Variants in THOC7 observed in about 807,000 individuals in gnomAD.
The protein encoded by THOC7 is NIF3L1-binding protein 1.
THOC7 carries 22 observed loss-of-function variants against 33.1 expected under a neutral mutation model. The observed-to-expected ratio is 0.66, with a 90% CI of 0.47 to 0.95. THOC7 has a LOEUF of 0.95. Among genes scored for constraint, THOC7 ranks in the 40% least tolerant of loss-of-function variants. The pLI is 0.00. For missense variants in THOC7, 184 were observed against 245.3 expected (o/e 0.75, Z 1.67); for synonymous variants, 77 against 76.8 (o/e 1.00, Z -0.01).
chr3:63,861,135 T>C (rs371114442), intron 1 of THOC7: 1 of 152,194 alleles, frequency 6.6e-6, no homozygotes, highest in East Asian at 1.9e-4. Context: ...CTCAAAACAA[T>C]CCGCTGATGT....
intron 7 of THOC7, 93 bp from the exon 8 acceptor site, chr3:63,834,292 C>T: frequency 3.2e-6 from 4 of 1,243,340 alleles, no homozygotes; most frequent in Non-Finnish European, 4.6e-6. Context: ...CTTTATTAGC[C>T]AATACAATTA....
intron 1 of THOC7, chr3:63,848,678 T>C (rs1701956374): frequency 6.6e-6 from 1 of 152,230 alleles, no homozygotes. Context: ...TTTGATGGGT[T>C]TGTAAAACTG....
chr3:63,859,905 C>T (rs1177163124), intron 1 of THOC7, among the ~76,000 whole-genome samples: 3 of 152,162 alleles, frequency 2.0e-5, no homozygotes, highest in African/African-American at 7.2e-5. Flanking sequence ...ATCAAAAAAC[C>T]CTGATTTGAA....
At chr3:63,838,152 G>A in intron 3 of THOC7, 90 bp from the exon 4 acceptor site, 2 of 1,241,588 alleles carry the variant, frequency 1.6e-6, no homozygotes, top group Middle Eastern at 2.4e-4. Context: ...AACCTCTATT[G>A]GTAACAAAAT....
At position 63,836,344 on chromosome 3, in the gene THOC7, C is replaced by CT. The variant is rs769419537; in HGVS notation, c.366_367insA (p.Ala123SerfsTer12). ...TCTGGATGGTGCTGAATCACTTTTGCCAAAGCATCATATTCTGTAAGACAT... is the reference window on the plus strand; with the variant it reads ...TCTGGATGGTGCTGAATCACTTTTGCTCAAAGCATCATATTCTGTAAGACAT... On this transcript the variant is annotated frameshift_variant, in exon 5 of 8. Coordinates refer to ENST00000295899, the MANE Select transcript of THOC7 (RefSeq NM_025075.4). LOFTEE classifies it high-confidence loss of function. 1 of 1,612,318 alleles carries CT rather than the reference C, an allele frequency of 6.2e-7. No individual in the cohort carries two copies. Among genetic ancestry groups the CT allele is most frequent in the South Asian group, 1.1e-5 (1 of 90,972 alleles).
In THOC7 at chr3:63,833,977, T is replaced by C; in HGVS notation, c.*155A>G. 1.5e-6 allele frequency: 1 copy of C among 664,242 alleles called. No homozygotes were observed. Among genetic ancestry groups the C allele is most frequent in the Non-Finnish European group, 2.4e-6 (1 of 411,388 alleles). The allele number at this position is 664,242 out of a possible 1,614,324, so 41.1% of individuals were successfully genotyped here. A position where few individuals can be genotyped will look rare whatever the true frequency, so the allele number is the denominator to read the frequency against. On this transcript the variant is annotated 3_prime_UTR_variant, in exon 8 of 8. Transcript: ENST00000295899. The stretch of plus-strand genomic sequence containing the variant: ...AAATCTATACTGAAGTCATTTTCCT[T>C]TGTGAGAGGAAATATGAATGAAATA...
chr3:63,849,754 T>C (rs1260093849), intron 1 of THOC7, among the ~76,000 whole-genome samples: 1 of 152,220 alleles, frequency 6.6e-6, no homozygotes. Context: ...TGGCTCATTG[T>C]TTTTGCTTTT....
At chr3:63,844,896 T>G in intron 1 of THOC7, 2 of 515,548 alleles carry the variant, frequency 3.9e-6, no homozygotes, top group South Asian at 3.3e-5. Flanking sequence ...GACGGAAAAT[T>G]GTACTGGCAG....
rs555820720 is a variant in THOC7 at position 63,835,085 on chromosome 3, C to T, written c.547+69G>A. 6,235 of 1,473,368 alleles carry T rather than the reference C, an allele frequency of 4.2e-3. 18 individuals carry two copies. Among genetic ancestry groups the T allele is most frequent in the Non-Finnish European group, 5.3e-3 (5,612 of 1,068,680 alleles). The allele number at this position is 1,473,368 out of a possible 1,614,324, so 91.3% of individuals were successfully genotyped here. ...TACTGTCTCTCCAAGATGTATATTT[C>T]AAAAGGTACATCCCTGGGTCATTTA... On this transcript the variant is annotated intron_variant, in intron 7 of 7. Coordinates refer to ENST00000295899, the MANE Select transcript of THOC7 (RefSeq NM_025075.4).
intron 1 of THOC7, among the ~76,000 whole-genome samples, chr3:63,860,263 G>T (rs112095470): frequency 0.017 from 2,608 of 150,406 alleles, 82 homozygotes; most frequent in African/African-American, 0.057. Context: ...TAGGATGGTC[G>T]CAAACTCCTG....
chr3:63,835,451 G>A (rs2107116185), intron 5 of THOC7, 61 bp from the exon 6 acceptor site: 1 of 1,481,346 alleles, frequency 6.8e-7, no homozygotes, highest in Non-Finnish European at 9.3e-7. Flanking sequence ...TACAATTAAT[G>A]CCTAACTTTT....
At chr3:63,857,117 A>T (rs1702129537) in intron 1 of THOC7, among the ~76,000 whole-genome samples, 1 of 152,252 alleles carries the variant, frequency 6.6e-6, no homozygotes, top group Non-Finnish European at 1.5e-5. Flanking sequence ...ACTCAAACTC[A>T]GGAGTCAGGC....
chr3:63,856,092 C>T (rs1702110841), intron 1 of THOC7, among the ~76,000 whole-genome samples: 1 of 151,950 alleles, frequency 6.6e-6, no homozygotes, highest in African/African-American at 2.4e-5. Flanking sequence ...AAACTAAATG[C>T]CAATAGAGGA....
intron 1 of THOC7, among the ~76,000 whole-genome samples, chr3:63,841,007 T>C (rs1430127758): frequency 4.6e-5 from 7 of 152,238 alleles, no homozygotes; most frequent in Admixed American, 1.3e-4. Context: ...CTGTTTATAG[T>C]AGAAAGATTG....
intron 1 of THOC7, among the ~76,000 whole-genome samples, chr3:63,852,662 G>C (rs937386922): frequency 6.6e-6 from 1 of 152,152 alleles, no homozygotes; most frequent in African/African-American, 2.4e-5. Context: ...AGTCACACCA[G>C]TAAATACTAT....
chr3:63,844,128 T>TA (rs1423404007), intron 1 of THOC7, among the ~76,000 whole-genome samples: 2 of 152,136 alleles, frequency 1.3e-5, no homozygotes, highest in African/African-American at 2.4e-5. Context: ...TGATCACACT[T>TA]ACATATGGAA....
intron 1 of THOC7, among the ~76,000 whole-genome samples, chr3:63,849,397 A>C (rs1020978277): frequency 2.6e-5 from 4 of 152,170 alleles, no homozygotes; most frequent in Admixed American, 2.0e-4. Context: ...CAAAAAAACA[A>C]GAATGCCTAG....
intron 7 of THOC7, 31 bp from the exon 8 acceptor site, chr3:63,834,230 G>C (rs1411897944): frequency 6.2e-7 from 1 of 1,608,028 alleles, no homozygotes; most frequent in East Asian, 2.2e-5. Flanking sequence ...TAAAACCTTA[G>C]TCAAGTTTGC....
intron 1 of THOC7, among the ~76,000 whole-genome samples, chr3:63,859,798 CTTGA>C (rs1162051147): frequency 6.6e-6 from 1 of 152,122 alleles, no homozygotes; most frequent in Non-Finnish European, 1.5e-5. Flanking sequence ...CTCATTTCAG[CTTGA>C]TTTTTTCAAA....
Sources: gnomAD v4.1 joint callset for allele counts (sites outside exome capture counted in the v4.1 genomes callset) on GRCh38, gnomAD v4.1.1 for gene constraint, MANE v1.5 for transcripts, NCBI Gene and HGNC (gene_info 2026-07-23, HGNC 2026-07-21) for gene names.